The following FCRL3 variants were observed in gnomAD, a reference collection of about 807,000 sequenced individuals.
The protein encoded by FCRL3 is Fc receptor-like protein 3.
In FCRL3, 89 loss-of-function variants were observed where a neutral mutation model predicts 75.0. That is an observed-to-expected ratio of 1.19 (90% CI 1.00 to 1.42). The LOEUF (loss-of-function observed/expected upper bound fraction) is 1.42, where lower values mean the gene tolerates loss of function less well. Ranked by LOEUF, FCRL3 falls within the 40% of genes most tolerant of loss-of-function variation. The pLI is 0.00. For missense variants in FCRL3, 946 were observed against 880.0 expected, an observed-to-expected ratio of 1.07 and a Z score of -0.95; for synonymous variants, 376 against 348.5, an observed-to-expected ratio of 1.08 and a Z score of -0.88.
intron 8 of FCRL3, among the ~76,000 whole-genome samples, chr1:157,693,922 A>G (rs952852064): frequency 6.6e-6 from 1 of 151,846 alleles, no homozygotes; most frequent in Non-Finnish European, 1.5e-5. Flanking sequence ...TGAATTTTGT[A>G]TTTTTTTGTA....
At chr1:157,687,066 G>C (rs909509084) in intron 10 of FCRL3, among the ~76,000 whole-genome samples, 2 of 151,498 alleles carry the variant, frequency 1.3e-5, no homozygotes, top group African/African-American at 4.8e-5. Context: ...GTTGAGACCT[G>C]TAAGGAACTT....
At chr1:157,700,413 C>T in intron 2 of FCRL3, 46 bp downstream of exon 2, 2 of 1,613,598 alleles carry the variant, frequency 1.2e-6, no homozygotes, top group Non-Finnish European at 8.5e-7. Context: ...TCCCTGGTCA[C>T]CTTTAGGAAC....
chr1:157,686,127 A>T (rs1040734399), intron 10 of FCRL3, among the ~76,000 whole-genome samples: 3 of 152,184 alleles, frequency 2.0e-5, no homozygotes, highest in African/African-American at 7.2e-5. Flanking sequence ...TACAAAAACC[A>T]GTAGCATTTC....
chr1:157,679,200 T>C (rs1654662056), intron 13 of FCRL3: 4 of 590,130 alleles, frequency 6.8e-6, no homozygotes, highest in South Asian at 6.1e-5. Context: ...CAAACCCAAA[T>C]AGAAAAAGTA....
Position 157,678,670 on chromosome 1 carries a change from T to C in FCRL3, c.*40A>G, listed in dbSNP as rs1208897309. ...TGGTTGGAGAGAACAGAAAAAAAAATGGTGCAGGCTGTTTCCTGTGGGCCA... is the reference window on the plus strand; with the variant it reads ...TGGTTGGAGAGAACAGAAAAAAAAACGGTGCAGGCTGTTTCCTGTGGGCCA... On this transcript the variant is annotated 3_prime_UTR_variant, in exon 15 of 15. Coordinates refer to ENST00000368184, the MANE Select transcript of FCRL3 (RefSeq NM_052939.4). 6.2e-7 allele frequency: 1 copy of C among 1,603,450 alleles called. No individual in the cohort carries two copies. Among genetic ancestry groups the C allele is most frequent in the Non-Finnish European group, 8.5e-7 (1 of 1,177,410 alleles).
At position 157,697,185 on chromosome 1, in the gene FCRL3, G is replaced by T; in HGVS notation, c.799C>A (p.His267Asn). 2 of 1,530,874 alleles carry T rather than the reference G, an allele frequency of 1.3e-6. No individual in the cohort carries two copies. The highest frequency in any genetic ancestry group is 1.4e-5 in the African/African-American group (1 of 71,750). 94.8% of individuals were successfully genotyped at this position (1,530,874 alleles called of 1,614,324 possible). A position where few individuals can be genotyped will look rare whatever the true frequency, so the allele number is the denominator to read the frequency against. ...SYWCEVETVT[H>N]SIKKRSLRSQ... is the part of the protein sequence containing the mutation. The stretch of plus-strand genomic sequence containing the variant: ...CTCAGGCTCCTTTTTTTGATGCTGT[G>T]AGTCACTGTCTCCACCTCACACCAG... The change falls in exon 6 of 15, where the codon CAC (histidine) becomes AAC (asparagine). Residue 267 changes from histidine (H) to asparagine (N), a missense_variant. Physicochemically the swap from His to Asn is moderately conservative, Grantham distance 68. Coordinates refer to ENST00000368184, the MANE Select transcript of FCRL3 (RefSeq NM_052939.4).
At chr1:157,681,812 C>G (rs1025500765) in intron 11 of FCRL3, among the ~76,000 whole-genome samples, 1 of 152,078 alleles carries the variant, frequency 6.6e-6, no homozygotes, top group African/African-American at 2.4e-5. Context: ...CCTGAGGAAT[C>G]GCCACACTGA....
In FCRL3 at chr1:157,678,499, C is replaced by A. The variant is rs553826626; in HGVS notation, c.*211G>T. On this transcript the variant is annotated 3_prime_UTR_variant, in exon 15 of 15. Transcript: ENST00000368184. Reference sequence around the variant, plus strand: ...CCACGTGTCTCCACTGTGAAAATAACACAGTGCTTGCTCAGAGGCTGCCTG... The same window carrying A: ...CCACGTGTCTCCACTGTGAAAATAAAACAGTGCTTGCTCAGAGGCTGCCTG... 1 of 1,408,466 alleles carries A rather than the reference C, an allele frequency of 7.1e-7. No homozygotes were observed. Among genetic ancestry groups the A allele is most frequent in the South Asian group, 1.6e-5 (1 of 64,506 alleles). 87.2% of individuals were successfully genotyped at this position (1,408,466 alleles called of 1,614,324 possible). A position where few individuals can be genotyped will look rare whatever the true frequency, so the allele number is the denominator to read the frequency against.
chr1:157,693,073 C>G (rs1571209368), intron 8 of FCRL3, among the ~76,000 whole-genome samples: 1 of 151,822 alleles, frequency 6.6e-6, no homozygotes, highest in Non-Finnish European at 1.5e-5. Flanking sequence ...CTCAGAAGTT[C>G]GAGACCAGCC....
chr1:157,676,811 A>C lies in FCRL3; in HGVS notation c.*1899T>G. 1.9e-6 allele frequency: 3 copies of C among 1,549,180 alleles called. No individual in the cohort carries two copies. The highest frequency in any genetic ancestry group is 2.6e-6 in the Non-Finnish European group (3 of 1,146,344). Reference sequence around the variant, plus strand: ...AATGATAAGAGATGACAGGTCCCTTAGAGAAAGTTCACTATAAGGCACAAA... The same window carrying C: ...AATGATAAGAGATGACAGGTCCCTTCGAGAAAGTTCACTATAAGGCACAAA... On this transcript the variant is annotated 3_prime_UTR_variant, in exon 15 of 15. Transcript: ENST00000368184.
chr1:157,696,356 G>T (rs1320867474), intron 6 of FCRL3, 29 bp from the exon 7 acceptor site: 7 of 1,608,952 alleles, frequency 4.4e-6, no homozygotes, highest in South Asian at 3.3e-5. Context: ...GCATGTGAAG[G>T]TCCTGATGGC....
At position 157,695,625 on chromosome 1, in the gene FCRL3, G is replaced by T. The variant is rs780497589; in HGVS notation, c.1133-18C>A. 3.2e-6 allele frequency: 5 copies of T among 1,579,174 alleles called. No homozygotes were observed. Among genetic ancestry groups the T allele is most frequent in the Admixed American group, 3.7e-5 (2 of 54,372 alleles). Reference sequence around the variant, plus strand: ...TACCGGAACTGAAGGAGACAAAAGGGCTGTCAGAGGATTCTGACGTTGTGA... The same window carrying T: ...TACCGGAACTGAAGGAGACAAAAGGTCTGTCAGAGGATTCTGACGTTGTGA... On this transcript the variant is annotated intron_variant, in intron 7 of 14. Transcript: ENST00000368184.
chr1:157,678,310 G>C lies in FCRL3; in HGVS notation c.*400C>G. 1 of 1,012,156 alleles carries C rather than the reference G, an allele frequency of 9.9e-7. No individual in the cohort carries two copies. Among genetic ancestry groups the C allele is most frequent in the Non-Finnish European group, 1.2e-6 (1 of 846,270 alleles). The allele number at this position is 1,012,156 out of a possible 1,614,324, so 62.7% of individuals were successfully genotyped here. ...GCCACTACCAGCCACACAAAAAAGG[G>C]AAACAAAATATTTGGAGCAAATTGT... On this transcript the variant is annotated 3_prime_UTR_variant, in exon 15 of 15. Coordinates refer to ENST00000368184, the MANE Select transcript of FCRL3 (RefSeq NM_052939.4).
rs543072365 is a variant in FCRL3 at position 157,690,468 on chromosome 1, G to A, written c.1477C>T (p.Leu493=). 1.2e-5 allele frequency: 19 copies of A among 1,614,112 alleles called. No homozygotes were observed. Among genetic ancestry groups the A allele is most frequent in the Non-Finnish European group, 1.6e-5 (19 of 1,180,048 alleles). ...CTCAGGGACTCACAGTGAAGCTCCA[G>A]CAGGTCCCCCACCACAGCCTGGGCC... ...PGAQAVVGDL[L]ELHCESLRGS... Residue 493 remains leucine (L), a synonymous_variant, in exon 9 of 15, where the codon CTG becomes TTG. Transcript: ENST00000368184.
chr1:157,689,251 A>G (rs763226920), intron 10 of FCRL3, among the ~76,000 whole-genome samples: 4 of 152,242 alleles, frequency 2.6e-5, no homozygotes, highest in Admixed American at 6.5e-5. Flanking sequence ...GATCATCTAT[A>G]TAGAACATCT....
At chr1:157,700,841 T>A, upstream of FCRL3, 2 of 800,678 alleles carry the variant, frequency 2.5e-6, no homozygotes, top group Non-Finnish European at 3.2e-6. Flanking sequence ...ATTTTTCATA[T>A]GGGAAACCCC....
rs778660215 is a variant in FCRL3 at position 157,690,243 on chromosome 1, C to T, written c.1690+12G>A. 8.1e-6 allele frequency: 13 copies of T among 1,613,304 alleles called. No individual in the cohort carries two copies. The South Asian group carries it at 1.2e-4, about 15-fold the overall frequency. ...ATAACTGTGACCTCTAGCCCAGGTA[C>T]TATTAACACACCTGTAACATTGAGT... On this transcript the variant is annotated intron_variant, in intron 9 of 14. Transcript: ENST00000368184.
intron 2 of FCRL3, 130 bp downstream of exon 2, chr1:157,700,329 C>T: frequency 7.2e-7 from 1 of 1,386,502 alleles, no homozygotes; most frequent in Non-Finnish European, 9.9e-7. Flanking sequence ...GAACCCAGCT[C>T]TGCTCACTTC....
At position 157,678,632 on chromosome 1, in the gene FCRL3, G is replaced by A; in HGVS notation, c.*78C>T. The A allele has an allele frequency of 1.9e-6, 3 of 1,588,090 alleles. No homozygotes were observed. The highest frequency in any genetic ancestry group is 2.3e-5 in the South Asian group (2 of 87,578). On this transcript the variant is annotated 3_prime_UTR_variant, in exon 15 of 15. Coordinates refer to ENST00000368184, the MANE Select transcript of FCRL3 (RefSeq NM_052939.4). Reference sequence around the variant, plus strand: ...CCTCGTAGGAGGCAGAGTCTGGAGAGATGGATGATGTGTGGTTGGAGAGAA... The same window carrying A: ...CCTCGTAGGAGGCAGAGTCTGGAGAAATGGATGATGTGTGGTTGGAGAGAA...
Sources: allele counts gnomAD v4.1 joint callset (sites outside exome capture counted in the v4.1 genomes callset), GRCh38; gene constraint gnomAD v4.1.1; transcripts MANE v1.5; gene names NCBI Gene and HGNC (gene_info 2026-07-23, HGNC 2026-07-21).